MGAT4C: variants seen among roughly 807,000 people sequenced by gnomAD.
MGAT4C encodes the protein alpha-1,3-mannosyl-glycoprotein 4-beta-N-acetylglucosaminyltransferase C.
MGAT4C carries 19 observed loss-of-function variants against 40.1 expected under a neutral mutation model. That is an observed-to-expected ratio of 0.47 (90% CI 0.33 to 0.70). The LOEUF (loss-of-function observed/expected upper bound fraction) is 0.70. MGAT4C is among the 30% of genes least tolerant of loss of function. The pLI is 0.02. For missense variants in MGAT4C, 491 were observed against 563.2 expected (o/e 0.87, Z 1.30); for synonymous variants, 181 against 187.1 (o/e 0.97, Z 0.27).
chr12:86,609,139 T>G (rs1962155131), intron 2 of MGAT4C, among the ~76,000 whole-genome samples: 1 of 152,154 alleles, frequency 6.6e-6, no homozygotes, highest in South Asian at 2.1e-4. Context: ...AGCATTCCTA[T>G]GCACTATGTG....
At chr12:86,614,139 C>G (rs1026977062) in intron 2 of MGAT4C, among the ~76,000 whole-genome samples, 3 of 152,132 alleles carry the variant, frequency 2.0e-5, no homozygotes, top group East Asian at 1.9e-4. Context: ...GTGTGCCCAT[C>G]ATATAAAATG....
At chr12:86,432,913 G>C (rs750587916) in intron 3 of MGAT4C, among the ~76,000 whole-genome samples, 2 of 151,840 alleles carry the variant, frequency 1.3e-5, no homozygotes, top group African/African-American at 4.8e-5. Flanking sequence ...TAAAATTGAA[G>C]TTATAAGAAA....
chr12:86,571,582 A>G (rs895532418), intron 2 of MGAT4C, among the ~76,000 whole-genome samples: 2 of 152,074 alleles, frequency 1.3e-5, no homozygotes, highest in Admixed American at 1.3e-4. Flanking sequence ...GATACTCTTT[A>G]TGAATACAGT....
chr12:86,492,922 C>T (rs890478415), intron 2 of MGAT4C, among the ~76,000 whole-genome samples: 3 of 151,972 alleles, frequency 2.0e-5, no homozygotes, highest in Non-Finnish European at 4.4e-5. Context: ...ATATCCAGAA[C>T]CTACAATGAA....
At chr12:86,001,050 T>A (rs542922105) in intron 2 of MGAT4C, among the ~76,000 whole-genome samples, 11 of 152,256 alleles carry the variant, frequency 7.2e-5, no homozygotes, top group African/African-American at 2.6e-4. Flanking sequence ...GGGAGGACAA[T>A]TTCCTTATCC....
intron 1 of MGAT4C, among the ~76,000 whole-genome samples, chr12:86,181,191 A>G (rs1391607838): frequency 6.6e-6 from 1 of 152,106 alleles, no homozygotes; most frequent in Non-Finnish European, 1.5e-5. Context: ...GCCTCCTGCC[A>G]TGATTCTGAG....
chr12:86,776,662 T>C (rs1329537828), intron 1 of MGAT4C, among the ~76,000 whole-genome samples: 1 of 152,110 alleles, frequency 6.6e-6, no homozygotes, highest in Non-Finnish European at 1.5e-5. Context: ...TGACCTTGTA[T>C]GTTAAAAATC....
At chr12:86,723,249 G>A (rs1012083715) in intron 2 of MGAT4C, among the ~76,000 whole-genome samples, 1 of 152,084 alleles carries the variant, frequency 6.6e-6, no homozygotes, top group African/African-American at 2.4e-5. Flanking sequence ...AATTCCCTAA[G>A]CCACTGTGGA....
intron 1 of MGAT4C, among the ~76,000 whole-genome samples, chr12:86,102,854 A>G (rs2135601508): frequency 6.6e-6 from 1 of 152,262 alleles, no homozygotes; most frequent in East Asian, 1.9e-4. Context: ...ATTTTTTTAG[A>G]ATAGCCATTT....
intron 2 of MGAT4C, among the ~76,000 whole-genome samples, chr12:86,555,227 G>C (rs978232369): frequency 6.6e-6 from 1 of 151,924 alleles, no homozygotes; most frequent in Non-Finnish European, 1.5e-5. Flanking sequence ...AGACTGGAAT[G>C]GGGACATATT....
intron 2 of MGAT4C, among the ~76,000 whole-genome samples, chr12:86,537,796 T>C (rs1331716285): frequency 2.6e-5 from 4 of 152,032 alleles, no homozygotes; most frequent in African/African-American, 9.7e-5. Flanking sequence ...ATACAAATAA[T>C]TTTTTTTGGG....
intron 1 of MGAT4C, among the ~76,000 whole-genome samples, chr12:86,195,622 T>G (rs1001907864): frequency 4.6e-5 from 7 of 152,184 alleles, no homozygotes; most frequent in Non-Finnish European, 8.8e-5. Flanking sequence ...GATATAGGTA[T>G]TTATCTTCCT....
chr12:86,799,634 G>C (rs920676378), intron 1 of MGAT4C, among the ~76,000 whole-genome samples: 1 of 151,758 alleles, frequency 6.6e-6, no homozygotes, highest in Non-Finnish European at 1.5e-5. Flanking sequence ...CTCATATTTT[G>C]TTCTATGTGA....
At chr12:86,728,725 T>G (rs962047290) in intron 1 of MGAT4C, among the ~76,000 whole-genome samples, 1 of 152,304 alleles carries the variant, frequency 6.6e-6, no homozygotes, top group South Asian at 2.1e-4. Context: ...TCCCGCTCAC[T>G]ACTGTTGAGT....
rs539103817 is a variant in MGAT4C at position 86,324,251 on chromosome 12, A to C, written c.-57+9814T>G. ...GGCAGATTCTCATGGGTGGTAAAAG[A>C]GTGGTAGATAGCACTGTTTAATACA... On this transcript the variant is annotated intron_variant, in intron 4 of 7. Coordinates refer to the MGAT4C transcript ENST00000548651. Among the ~76,000 whole-genome samples, 49 of 152,050 alleles carry C rather than the reference A, an allele frequency of 3.2e-4. 1 individual carries two copies. The highest frequency in any genetic ancestry group is 1.2e-3 in the Admixed American group (19 of 15,274).
intron 2 of MGAT4C, among the ~76,000 whole-genome samples, chr12:86,538,946 T>C (rs960374717): frequency 6.6e-6 from 1 of 151,988 alleles, no homozygotes; most frequent in East Asian, 1.9e-4. Flanking sequence ...AAATGTTTTG[T>C]TTCTCATAAC....
chr12:86,675,926 C>A (rs545919567), intron 2 of MGAT4C, among the ~76,000 whole-genome samples: 1 of 149,478 alleles, frequency 6.7e-6, no homozygotes, highest in Non-Finnish European at 1.5e-5. Context: ...GGTCTTAGTT[C>A]TATCTAACTT....
chr12:86,814,359 TATATATATAC>T (rs1952555653), intron 1 of MGAT4C, among the ~76,000 whole-genome samples: 1 of 15,334 alleles, frequency 6.5e-5, no homozygotes, highest in African/African-American at 6.4e-4. Context: ...TACATATACG[TATATATATAC>T]GTATATATAC....
chr12:86,113,540 A>C (rs555220291), intron 1 of MGAT4C, among the ~76,000 whole-genome samples: 3 of 151,922 alleles, frequency 2.0e-5, no homozygotes, highest in Non-Finnish European at 4.4e-5. Flanking sequence ...GAATGCAAAC[A>C]TGAAAAGGAA....
Sources: allele counts gnomAD v4.1 joint callset (sites outside exome capture counted in the v4.1 genomes callset), GRCh38; gene constraint gnomAD v4.1.1; transcripts MANE v1.5; gene names NCBI Gene and HGNC (gene_info 2026-07-23, HGNC 2026-07-21).